BNC2: variants seen among roughly 807,000 people sequenced by gnomAD.
BNC2 encodes the protein zinc finger protein basonuclin-2.
A neutral mutation model predicts 76.3 loss-of-function variants in BNC2; 20 were observed. The ratio of observed to expected loss-of-function variants is 0.26; its 90% confidence interval spans 0.18 to 0.38. The LOEUF (loss-of-function observed/expected upper bound fraction) is 0.38, where lower values mean the gene tolerates loss of function less well. Among genes scored for constraint, BNC2 ranks in the 10% least tolerant of loss-of-function variants. BNC2 has a pLI of 1.00. For synonymous variants in BNC2, 582 were observed against 514.8 expected (o/e 1.13, Z -1.77); for missense variants, 1,382 against 1,399.8 (o/e 0.99, Z 0.20).
intron 5 of BNC2, among the ~76,000 whole-genome samples, chr9:16,469,864 G>A (rs1052445058): frequency 1.3e-5 from 2 of 152,148 alleles, no homozygotes; most frequent in African/African-American, 4.8e-5. Flanking sequence ...CAAAGAGACT[G>A]GCAGCATTTT....
chr9:16,434,413 C>T (rs1294050648), intron 6 of BNC2, among the ~76,000 whole-genome samples: 1 of 152,166 alleles, frequency 6.6e-6, no homozygotes, highest in Non-Finnish European at 1.5e-5. Context: ...TAGAAACTTT[C>T]TAGTTAATTT....
intron 1 of BNC2, among the ~76,000 whole-genome samples, chr9:16,739,450 CCTAAAGTCAGGAG>C (rs1824777377): frequency 6.6e-6 from 1 of 152,158 alleles, no homozygotes; most frequent in Non-Finnish European, 1.5e-5. Flanking sequence ...GGGCAGATAA[CCTAAAGTCAGGAG>C]TTCGAGACCA....
chr9:16,826,213 C>T, intron 1 of BNC2, among the ~76,000 whole-genome samples: 1 of 135,404 alleles, frequency 7.4e-6, no homozygotes, highest in African/African-American at 2.7e-5. Flanking sequence ...TTTCTCCTTA[C>T]TTCACTCCCC....
chr9:16,603,132 A>C (rs1235379329), intron 3 of BNC2, among the ~76,000 whole-genome samples: 1 of 152,192 alleles, frequency 6.6e-6, no homozygotes, highest in African/African-American at 2.4e-5. Context: ...GATTAGGTTA[A>C]ATCTATCAAG....
chr9:16,722,235 C>A (rs1824178567), intron 3 of BNC2, among the ~76,000 whole-genome samples: 1 of 152,162 alleles, frequency 6.6e-6, no homozygotes, highest in Non-Finnish European at 1.5e-5. Context: ...TCCTTGCAAT[C>A]CTGCCTTGGT....
chr9:16,558,677 TC>T (rs1263684918), intron 4 of BNC2, among the ~76,000 whole-genome samples: 2 of 152,124 alleles, frequency 1.3e-5, no homozygotes, highest in African/African-American at 4.8e-5. Context: ...ATGCCTGTCA[TC>T]CCAGCACTTT....
At chr9:16,591,808 C>T (rs725011) in intron 3 of BNC2, among the ~76,000 whole-genome samples, 14,518 of 152,006 alleles carry the variant, frequency 0.096, 943 homozygotes, top group African/African-American at 0.18. Context: ...TTGGTGGTAA[C>T]CAGAAAATTA....
At chr9:16,594,481 G>T (rs563296208) in intron 3 of BNC2, among the ~76,000 whole-genome samples, 1 of 152,098 alleles carries the variant, frequency 6.6e-6, no homozygotes, top group African/African-American at 2.4e-5. Context: ...TCCTAAGCAA[G>T]AGCATAGGTA....
At chr9:16,500,716 T>C (rs1232202201) in intron 5 of BNC2, among the ~76,000 whole-genome samples, 1 of 152,198 alleles carries the variant, frequency 6.6e-6, no homozygotes, top group Non-Finnish European at 1.5e-5. Flanking sequence ...CATCCCTTAA[T>C]CATTTTAAAA....
chr9:16,467,845 T>TA (rs1821727081), intron 5 of BNC2, among the ~76,000 whole-genome samples: 2 of 141,162 alleles, frequency 1.4e-5, no homozygotes, highest in African/African-American at 5.9e-5. Flanking sequence ...AAAAAAAAAA[T>TA]TAAAAAAAAA....
rs557843336 is a variant in BNC2, at chr9:16,833,086, T to G, written c.3+37560A>C. On this transcript the variant is annotated intron_variant, in intron 1 of 6. Coordinates refer to ENST00000380672, the MANE Select transcript of BNC2 (RefSeq NM_017637.6). ...CAGAAGTAAATCAATTCACCCAATG[T>G]TGCGTTTATTTGTATCTGGAGAAGA... is the stretch of plus-strand genomic sequence containing the variant. Among the ~76,000 whole-genome samples the G allele has an allele frequency of 2.0e-5, 3 of 152,168 alleles. No homozygotes were observed. The South Asian group carries it at 6.2e-4, about 32-fold the overall frequency.
intron 3 of BNC2, among the ~76,000 whole-genome samples, chr9:16,702,639 CA>C (rs1157907198): frequency 3.1e-5 from 1 of 31,916 alleles, no homozygotes; most frequent in Non-Finnish European, 3.2e-4. Context: ...ATTCCCCTAC[CA>C]TCCTACACTA....
chr9:16,482,408 T>A (rs952473740), intron 5 of BNC2, among the ~76,000 whole-genome samples: 1 of 151,908 alleles, frequency 6.6e-6, no homozygotes. Flanking sequence ...GGGAAACCTT[T>A]AAAAAAATGC....
intron 1 of BNC2, among the ~76,000 whole-genome samples, chr9:16,836,398 A>G (rs191739042): frequency 6.6e-6 from 1 of 152,298 alleles, no homozygotes; most frequent in East Asian, 1.9e-4. Flanking sequence ...TATTCTTAGA[A>G]ACATAAAGGG....
chr9:16,614,082 A>G (rs559733111), intron 3 of BNC2, among the ~76,000 whole-genome samples: 2 of 152,342 alleles, frequency 1.3e-5, no homozygotes, highest in Admixed American at 1.3e-4. Flanking sequence ...TGTCCTATAT[A>G]TTAACACTTG....
At chr9:16,679,233 C>G (rs1009602280) in intron 3 of BNC2, among the ~76,000 whole-genome samples, 1 of 152,184 alleles carries the variant, frequency 6.6e-6, no homozygotes, top group African/African-American at 2.4e-5. Flanking sequence ...CACATCCTCT[C>G]TACCTACCCA....
At chr9:16,462,656 A>G (rs1396704828) in intron 5 of BNC2, among the ~76,000 whole-genome samples, 2 of 152,114 alleles carry the variant, frequency 1.3e-5, no homozygotes, top group Non-Finnish European at 2.9e-5. Context: ...GCTACATCAT[A>G]CCTCTTCCAC....
chr9:16,452,895 T>C (rs1204392476), intron 5 of BNC2, among the ~76,000 whole-genome samples: 1 of 152,204 alleles, frequency 6.6e-6, no homozygotes, highest in East Asian at 1.9e-4. Context: ...ACTCTAAGGA[T>C]GTCTTTAGGG....
intron 5 of BNC2, among the ~76,000 whole-genome samples, chr9:16,471,168 G>A (rs1176567881): frequency 1.3e-5 from 2 of 152,090 alleles, no homozygotes; most frequent in Non-Finnish European, 2.9e-5. Context: ...CTGCCCTGCT[G>A]GATTTCAGAC....
Sources: allele counts gnomAD v4.1 joint callset (sites outside exome capture counted in the v4.1 genomes callset), GRCh38; gene constraint gnomAD v4.1.1; transcripts MANE v1.5; gene names NCBI Gene and HGNC (gene_info 2026-07-23, HGNC 2026-07-21).